Variants in APLF observed in about 807,000 individuals in gnomAD.
APLF encodes aprataxin and PNKP like factor.
Under a neutral mutation model 55.6 loss-of-function variants are expected in APLF, and 61 were observed. That is an observed-to-expected ratio of 1.10 (90% CI 0.89 to 1.36). The LOEUF is 1.36. Among genes scored for constraint, APLF ranks in the 40% most tolerant of loss-of-function variants. The probability of loss-of-function intolerance (pLI) is 0.00; values close to 1 mark genes in which losing one functional copy is unlikely to be tolerated. For synonymous variants in APLF, 207 were observed against 214.8 expected (o/e 0.96, Z 0.32); for missense variants, 611 against 602.5 (o/e 1.01, Z -0.15).
intron 9 of APLF, among the ~76,000 whole-genome samples, chr2:68,573,305 GT>G (rs1214940010): frequency 2.0e-5 from 3 of 152,116 alleles, no homozygotes; most frequent in Admixed American, 1.3e-4. Flanking sequence ...AAAGGTTCCT[GT>G]TGTGGCCTTA....
chr2:68,510,762 G>A (rs889029917), intron 3 of APLF, among the ~76,000 whole-genome samples: 1 of 151,676 alleles, frequency 6.6e-6, no homozygotes, highest in East Asian at 1.9e-4. Flanking sequence ...GCCAAAAAGT[G>A]GAAATAACTC....
In APLF at chr2:68,578,677, A is replaced by C; in HGVS notation, c.*655A>C. The C allele has an allele frequency of 1.0e-6, 1 of 985,370 alleles. No homozygotes were observed. Among genetic ancestry groups the C allele is most frequent in the Non-Finnish European group, 1.2e-6 (1 of 829,890 alleles). 61.0% of individuals were successfully genotyped at this position (985,370 alleles called of 1,614,324 possible). On this transcript the variant is annotated 3_prime_UTR_variant, in exon 10 of 10. Transcript: ENST00000303795. Reference sequence around the variant, plus strand: ...ACATCTGCAATTTACTGTATGTTTGAATTTAAAAGTAAAAAAACTCAAAAA... The same window carrying C: ...ACATCTGCAATTTACTGTATGTTTGCATTTAAAAGTAAAAAAACTCAAAAA...
chr2:68,479,443 A>G (rs555571509), intron 1 of APLF, among the ~76,000 whole-genome samples: 2 of 152,320 alleles, frequency 1.3e-5, no homozygotes, highest in Non-Finnish European at 2.9e-5. Flanking sequence ...AAGGATTTCA[A>G]GGTATAGATA....
At chr2:68,539,224 A>G (rs1353811647) in intron 7 of APLF, among the ~76,000 whole-genome samples, 3 of 152,228 alleles carry the variant, frequency 2.0e-5, no homozygotes, top group South Asian at 2.1e-4. Flanking sequence ...GAATGGAAGT[A>G]TATATACCTT....
chr2:68,502,921 T>C lies in APLF; in HGVS notation c.341+18T>C. 1 of 1,589,236 alleles carries C rather than the reference T, an allele frequency of 6.3e-7. No individual in the cohort carries two copies. The highest frequency in any genetic ancestry group is 1.2e-5 in the South Asian group (1 of 86,284). ...ACCTTAAGGTAAGTGCCTGATGAAATGAGAGTAAGAATGTTATTTTTAATC... is the reference window on the plus strand; with the variant it reads ...ACCTTAAGGTAAGTGCCTGATGAAACGAGAGTAAGAATGTTATTTTTAATC... On this transcript the variant is annotated intron_variant, in intron 3 of 9. Transcript: ENST00000303795.
chr2:68,518,782 A>T (rs1269234573), intron 5 of APLF, among the ~76,000 whole-genome samples: 1 of 80,402 alleles, frequency 1.2e-5, no homozygotes, highest in Non-Finnish European at 2.2e-5. Flanking sequence ...ATATCATTAT[A>T]TAATAAAATA....
chr2:68,470,938 C>T (rs570158994), intron 1 of APLF, among the ~76,000 whole-genome samples: 1 of 152,334 alleles, frequency 6.6e-6, no homozygotes, highest in South Asian at 2.1e-4. Context: ...AAGTAACCAT[C>T]CCCTGACCTG....
chr2:68,579,319 A>G lies in APLF; in HGVS notation c.*1297A>G, dbSNP rs560615679. 2 of 916,708 alleles carry G rather than the reference A, an allele frequency of 2.2e-6. No individual in the cohort carries two copies. The highest frequency in any genetic ancestry group is 1.8e-5 in the African/African-American group (1 of 55,796). 56.8% of individuals were successfully genotyped at this position (916,708 alleles called of 1,614,324 possible). A position where few individuals can be genotyped will look rare whatever the true frequency, so the allele number is the denominator to read the frequency against. On this transcript the variant is annotated 3_prime_UTR_variant, in exon 10 of 10. Coordinates refer to ENST00000303795, the MANE Select transcript of APLF (RefSeq NM_173545.3). ...TATCTCTTATTGTTATTTGGGAACT[A>G]TTTTTCCCCTTATAATGTCCCTTTA...
chr2:68,544,639 T>C (rs1670649346), intron 7 of APLF, among the ~76,000 whole-genome samples: 1 of 152,164 alleles, frequency 6.6e-6, no homozygotes, highest in South Asian at 2.1e-4. Flanking sequence ...AAACAAAAGC[T>C]CTCTGGAGTT....
chr2:68,538,285 A>G, intron 7 of APLF, 58 bp downstream of exon 7: 1 of 1,428,318 alleles, frequency 7.0e-7, no homozygotes, highest in Middle Eastern at 1.8e-4. Context: ...GTAGCTATGT[A>G]GATACATGCT....
chr2:68,558,456 A>G (rs983053136), intron 8 of APLF, among the ~76,000 whole-genome samples: 2 of 152,290 alleles, frequency 1.3e-5, no homozygotes, highest in South Asian at 4.1e-4. Flanking sequence ...TGTGGGATTT[A>G]TGGTTTTGCT....
chr2:68,516,922 TATATATA>T (rs1371013001), intron 5 of APLF, among the ~76,000 whole-genome samples: 7 of 126,630 alleles, frequency 5.5e-5, no homozygotes, highest in African/African-American at 2.1e-4. Flanking sequence ...TATATAACAT[TATATATA>T]ATATATAATA....
chr2:68,508,006 CAA>C (rs1243321091), intron 3 of APLF, among the ~76,000 whole-genome samples: 1 of 151,358 alleles, frequency 6.6e-6, no homozygotes, highest in East Asian at 1.9e-4. Flanking sequence ...TGATAATATG[CAA>C]GTTTCAAATT....
chr2:68,489,884 T>A (rs1676301251), intron 1 of APLF, among the ~76,000 whole-genome samples: 1 of 152,242 alleles, frequency 6.6e-6, no homozygotes, highest in African/African-American at 2.4e-5. Context: ...TTATGAATTT[T>A]CTTGGTAAGA....
At chr2:68,538,489 C>T (rs1394603239) in intron 7 of APLF, among the ~76,000 whole-genome samples, 2 of 151,766 alleles carry the variant, frequency 1.3e-5, no homozygotes, top group African/African-American at 4.8e-5. Context: ...GGAATCCAGA[C>T]ATGAAGACTG....
chr2:68,576,698 A>G (rs956955240), intron 9 of APLF, among the ~76,000 whole-genome samples: 1 of 152,180 alleles, frequency 6.6e-6, no homozygotes, highest in Non-Finnish European at 1.5e-5. Context: ...AAGGACAGAT[A>G]CATTACTTCC....
chr2:68,565,697 C>T (rs904125480), intron 8 of APLF, among the ~76,000 whole-genome samples: 4 of 151,538 alleles, frequency 2.6e-5, no homozygotes, highest in East Asian at 1.9e-4. Context: ...ATCGAAGGCA[C>T]GGAGGAAAAA....
rs989220182 is a variant in APLF, at chr2:68,528,264, T to G, written c.804+2022T>G. 41 of 1,317,938 alleles carry G rather than the reference T, an allele frequency of 3.1e-5. 1 individual carries two copies. The African/African-American group carries it at 5.4e-4, about 17-fold the overall frequency. 81.6% of individuals were successfully genotyped at this position (1,317,938 alleles called of 1,614,324 possible). A position where few individuals can be genotyped will look rare whatever the true frequency, so the allele number is the denominator to read the frequency against. ...CCCTGCTGTCTCTTCTTTCTCCTCC[T>G]AAGCAGCTGTCTTAGTCTCCTGAAT... is the stretch of plus-strand genomic sequence containing the variant. On this transcript the variant is annotated intron_variant, in intron 6 of 9. Coordinates refer to ENST00000303795, the MANE Select transcript of APLF (RefSeq NM_173545.3).
chr2:68,495,491 C>T (rs944376287), intron 2 of APLF, among the ~76,000 whole-genome samples: 4 of 152,220 alleles, frequency 2.6e-5, no homozygotes, highest in Non-Finnish European at 5.9e-5. Context: ...AGACCTTTGG[C>T]AGCTCCACCC....
Sources: gnomAD v4.1 joint callset for allele counts (sites outside exome capture counted in the v4.1 genomes callset) on GRCh38, gnomAD v4.1.1 for gene constraint, MANE v1.5 for transcripts, NCBI Gene and HGNC (gene_info 2026-07-23, HGNC 2026-07-21) for gene names.